Variants in FAM220A observed in about 807,000 individuals in gnomAD.
FAM220A encodes the protein family with sequence similarity 220 member A.
For synonymous variants in FAM220A, 141 were observed against 130.7 expected (o/e 1.08, Z -0.54); for missense variants, 392 against 321.6 (o/e 1.22, Z -1.68).
chr7:6,344,598 T>G (rs973252607), intron 1 of FAM220A, among the ~76,000 whole-genome samples: 2 of 151,880 alleles, frequency 1.3e-5, no homozygotes, highest in East Asian at 3.9e-4. Flanking sequence ...TTTGTATTTT[T>G]TGTAGAGACG....
chr7:6,345,265 G>A (rs1461176017), intron 1 of FAM220A, among the ~76,000 whole-genome samples: 2 of 151,760 alleles, frequency 1.3e-5, no homozygotes, highest in African/African-American at 2.4e-5. Flanking sequence ...TTACAGGCAC[G>A]CACCACGACA....
chr7:6,348,323 G>A (rs996384696), intron 1 of FAM220A, among the ~76,000 whole-genome samples: 6 of 151,422 alleles, frequency 4.0e-5, no homozygotes, highest in Non-Finnish European at 5.9e-5. Context: ...TGCAGTCTCG[G>A]ACCCCACCTC....
At position 6,348,782 on chromosome 7, in the gene FAM220A, C is replaced by T. The variant is rs921610493; in HGVS notation, c.-291G>A. The T allele has an allele frequency of 3.8e-5, 15 of 396,250 alleles. No individual in the cohort carries two copies. The South Asian group carries it at 6.3e-4, about 17-fold the overall frequency. The allele number at this position is 396,250 out of a possible 1,614,324, so 24.5% of individuals were successfully genotyped here. Reference sequence around the variant, plus strand: ...ATATAGAGACCGGCGCTCCCACAGCCCCCCCGCCCGCCCTCTCCGCGCCGC... The same window carrying T: ...ATATAGAGACCGGCGCTCCCACAGCTCCCCCGCCCGCCCTCTCCGCGCCGC... On this transcript the variant is annotated 5_prime_UTR_variant, in exon 1 of 2. Coordinates refer to ENST00000313324, the MANE Select transcript of FAM220A (RefSeq NM_001037163.2).
intron 1 of FAM220A, among the ~76,000 whole-genome samples, chr7:6,336,172 C>CAA (rs113753233): frequency 0.16 from 21,649 of 131,624 alleles, 1,986 homozygotes; most frequent in Admixed American, 0.26. Context: ...GATTTTGCCT[C>CAA]AAAAAAAAAA....
chr7:6,343,440 ATATAT>A, intron 1 of FAM220A, among the ~76,000 whole-genome samples: 1 of 119,744 alleles, frequency 8.4e-6, no homozygotes, highest in Non-Finnish European at 1.8e-5. Flanking sequence ...ATATATATAT[ATATAT>A]GATCTAGGAC....
In FAM220A at chr7:6,331,848, C is replaced by T. The variant is rs1200009034; in HGVS notation, c.-81-613G>A. Reference sequence around the variant, plus strand: ...CACTACCTCTCAGGTTCGAGCGATTCTCCTGCCTTAGCCTTTTGAGTAGCT... The same window carrying T: ...CACTACCTCTCAGGTTCGAGCGATTTTCCTGCCTTAGCCTTTTGAGTAGCT... On this transcript the variant is annotated intron_variant, in intron 1 of 1. Coordinates refer to ENST00000313324, the MANE Select transcript of FAM220A (RefSeq NM_001037163.2). 1.3e-4 allele frequency among the ~76,000 whole-genome samples: 20 copies of T among 149,874 alleles called. No individual in the cohort carries two copies. The Admixed American group carries it at 1.4e-3, about 10-fold the overall frequency.
Position 6,348,773 on chromosome 7 carries a change from T to TCCCACAGC in FAM220A, c.-290_-283dup. On this transcript the variant is annotated 5_prime_UTR_variant, in exon 1 of 2. Transcript: ENST00000313324. ...GCCGCCGCCATATAGAGACCGGCGC[T>TCCCACAGC]CCCACAGCCCCCCCGCCCGCCCTCT... The TCCCACAGC allele has an allele frequency of 2.5e-6, 1 of 397,932 alleles. No homozygotes were observed. The highest frequency in any genetic ancestry group is 4.4e-6 in the Non-Finnish European group (1 of 225,584). The allele number at this position is 397,932 out of a possible 1,614,324, so 24.7% of individuals were successfully genotyped here.
chr7:6,340,185 C>T (rs564258626), intron 1 of FAM220A, among the ~76,000 whole-genome samples: 21 of 152,168 alleles, frequency 1.4e-4, no homozygotes, highest in African/African-American at 4.8e-4. Context: ...GCGCCCGGCC[C>T]CTCCCAGGAT....
chr7:6,335,543 G>A (rs998599350), intron 1 of FAM220A, among the ~76,000 whole-genome samples: 1 of 150,468 alleles, frequency 6.6e-6, no homozygotes, highest in African/African-American at 2.5e-5. Context: ...GTTAATATGT[G>A]AGAAAATATT....
chr7:6,334,109 G>A (rs1781700144), intron 1 of FAM220A, among the ~76,000 whole-genome samples: 1 of 151,354 alleles, frequency 6.6e-6, no homozygotes, highest in South Asian at 2.1e-4. Context: ...GCCTCCCAAA[G>A]TGCTGGGATT....
rs1291785395 is a variant in FAM220A at position 6,329,486 on chromosome 7, G to A, written c.*889C>T. 6.6e-6 allele frequency: 1 copy of A among 152,554 alleles called. No individual in the cohort carries two copies. Among genetic ancestry groups the A allele is most frequent in the Admixed American group, 6.6e-5 (1 of 15,234 alleles). The allele number at this position is 152,554 out of a possible 1,614,324, so 9.5% of individuals were successfully genotyped here. A position where few individuals can be genotyped will look rare whatever the true frequency, so the allele number is the denominator to read the frequency against. On this transcript the variant is annotated 3_prime_UTR_variant, in exon 2 of 2. Coordinates refer to ENST00000313324, the MANE Select transcript of FAM220A (RefSeq NM_001037163.2). ...TCCCCAAACACTAAAATAGCACATG[G>A]CATAGTAATTCAGCACACAGCATAA...
intron 1 of FAM220A, among the ~76,000 whole-genome samples, chr7:6,331,477 G>GT (rs565222674): frequency 2.4e-4 from 37 of 151,098 alleles, no homozygotes; most frequent in Non-Finnish European, 4.7e-4. Context: ...TAAGGTTTTT[G>GT]TTTTTTTGAG....
chr7:6,343,411 T>TAC (rs1781901075), intron 1 of FAM220A, among the ~76,000 whole-genome samples: 1 of 50,504 alleles, frequency 2.0e-5, no homozygotes, highest in Non-Finnish European at 4.0e-5. Flanking sequence ...TATATATATA[T>TAC]ATATATATAT....
At chr7:6,334,106 A>C (rs1002279011) in intron 1 of FAM220A, among the ~76,000 whole-genome samples, 8 of 151,264 alleles carry the variant, frequency 5.3e-5, no homozygotes, top group Non-Finnish European at 1.0e-4. Flanking sequence ...TTGGCCTCCC[A>C]AAGTGCTGGG....
chr7:6,334,592 G>A (rs1251172108), intron 1 of FAM220A, among the ~76,000 whole-genome samples: 1 of 151,962 alleles, frequency 6.6e-6, no homozygotes, highest in African/African-American at 2.4e-5. Context: ...TAAGCCTCCT[G>A]AGTAGCTGGG....
intron 1 of FAM220A, among the ~76,000 whole-genome samples, chr7:6,343,887 G>C (rs1002738429): frequency 6.6e-6 from 1 of 152,050 alleles, no homozygotes; most frequent in Non-Finnish European, 1.5e-5. Context: ...GCAATGAAGA[G>C]GATGGGTATG....
rs1011976208 is a variant in FAM220A at position 6,331,441 on chromosome 7, G to A, written c.-81-206C>T. Among the ~76,000 whole-genome samples, 22 of 152,282 alleles carry A rather than the reference G, an allele frequency of 1.4e-4. 1 individual carries two copies. The highest frequency in any genetic ancestry group is 9.6e-4 in the East Asian group (5 of 5,182). Reference sequence around the variant, plus strand: ...GCGTCCCAAAGTGCTGGGATTACAGGTGTGAGCCACCATGCCCAGCCGTAT... The same window carrying A: ...GCGTCCCAAAGTGCTGGGATTACAGATGTGAGCCACCATGCCCAGCCGTAT... On this transcript the variant is annotated intron_variant, in intron 1 of 1. Coordinates refer to ENST00000313324, the MANE Select transcript of FAM220A (RefSeq NM_001037163.2).
intron 1 of FAM220A, among the ~76,000 whole-genome samples, chr7:6,334,844 C>G (rs374130818): frequency 6.6e-6 from 1 of 151,824 alleles, no homozygotes; most frequent in Non-Finnish European, 1.5e-5. Context: ...TCTCGACTCA[C>G]TGCAACCTCC....
rs1212740147 is a variant in FAM220A, at chr7:6,331,209, G to A, written c.-55C>T. 4.5e-6 allele frequency: 7 copies of A among 1,539,600 alleles called. No individual in the cohort carries two copies. The highest frequency in any genetic ancestry group is 4.0e-5 in the Admixed American group (2 of 50,006). On this transcript the variant is annotated 5_prime_UTR_variant, in exon 2 of 2. Transcript: ENST00000313324. ...AGGTCACGCCTTCGTCAGTCTGGGA[G>A]GGCCTTCAATGGATCTCAATATGAA...
Sources: allele counts gnomAD v4.1 joint callset (sites outside exome capture counted in the v4.1 genomes callset), GRCh38; gene constraint gnomAD v4.1.1; transcripts MANE v1.5; gene names NCBI Gene and HGNC (gene_info 2026-07-23, HGNC 2026-07-21).